The following EP400 variants were observed in gnomAD, a reference collection of about 807,000 sequenced individuals.
EP400 encodes the protein E1A-binding protein p400.
Under a neutral mutation model 354.1 loss-of-function variants are expected in EP400, and 105 were observed. The ratio of observed to expected loss-of-function variants is 0.30; its 90% CI spans 0.25 to 0.35. The LOEUF is 0.35. Ranked by LOEUF, EP400 falls within the 10% of genes least tolerant of loss-of-function variation. EP400 has a pLI of 1.00. For missense variants in EP400, 3,280 were observed against 4,121.0 expected, an observed-to-expected ratio of 0.80 and a Z score of 5.59; for synonymous variants, 1,646 against 1,716.9, an observed-to-expected ratio of 0.96 and a Z score of 1.02.
chr12:131,962,559 TGTA>T (rs1456280475), intron 2 of EP400, among the ~76,000 whole-genome samples: 1 of 152,258 alleles, frequency 6.6e-6, no homozygotes, highest in Non-Finnish European at 1.5e-5. Flanking sequence ...AATTTTTAGA[TGTA>T]GTCTCAAGAT....
chr12:132,042,269 A>G (rs893040152), intron 32 of EP400, among the ~76,000 whole-genome samples: 3 of 152,092 alleles, frequency 2.0e-5, no homozygotes, highest in African/African-American at 7.2e-5. Context: ...CTGTTTCTTA[A>G]TGACTTGTTG....
At chr12:131,966,916 A>C (rs2059815003) in intron 2 of EP400, among the ~76,000 whole-genome samples, 3 of 150,724 alleles carry the variant, frequency 2.0e-5, no homozygotes, top group Admixed American at 6.6e-5. Context: ...AAAAAAAAAA[A>C]AAAAAAAAAC....
intron 2 of EP400, among the ~76,000 whole-genome samples, chr12:131,972,322 T>C (rs567361018): frequency 6.6e-5 from 10 of 152,070 alleles, no homozygotes. Flanking sequence ...CCGGCGAATT[T>C]TTTGTTATTT....
intron 50 of EP400, chr12:132,068,360 G>C (rs1341676351): frequency 6.6e-6 from 1 of 152,332 alleles, no homozygotes; most frequent in East Asian, 1.9e-4. Flanking sequence ...GGAAACTGAG[G>C]CTCAGAGAAA....
At chr12:132,044,391 T>A in intron 35 of EP400, 80 bp downstream of exon 35, 1 of 1,524,350 alleles carries the variant, frequency 6.6e-7, no homozygotes, top group Non-Finnish European at 8.8e-7. Context: ...TTGTTCAAAG[T>A]CTGTGTACAT....
At chr12:131,998,506 A>G (rs1340367028) in intron 12 of EP400, among the ~76,000 whole-genome samples, 2 of 151,910 alleles carry the variant, frequency 1.3e-5, no homozygotes, top group Non-Finnish European at 2.9e-5. Flanking sequence ...TAGGTACTAT[A>G]TATTTTTAAA....
At chr12:131,999,940 C>T (rs1414646438) in intron 12 of EP400, among the ~76,000 whole-genome samples, 2 of 148,546 alleles carry the variant, frequency 1.3e-5, no homozygotes, top group East Asian at 3.9e-4. Flanking sequence ...TGTATTTATG[C>T]CTGTTTTCTT....
chr12:132,019,735 G>T lies in EP400; in HGVS notation c.4278-314G>T, dbSNP rs559477762. ...TCAGCCCTTGTGCTGTAATAGATGCGTTGTTTTCTATCTACATTGATATGA... is the reference window on the plus strand; with the variant it reads ...TCAGCCCTTGTGCTGTAATAGATGCTTTGTTTTCTATCTACATTGATATGA... On this transcript the variant is annotated intron_variant, in intron 21 of 52. Coordinates refer to ENST00000389561, the MANE Select transcript of EP400 (RefSeq NM_015409.5). Among the ~76,000 whole-genome samples the T allele has an allele frequency of 2.0e-5, 3 of 152,290 alleles. No homozygotes were observed. The South Asian group carries it at 6.2e-4, about 32-fold the overall frequency.
intron 52 of EP400, 137 bp downstream of exon 52, chr12:132,076,730 A>G (rs1896250441): frequency 5.3e-6 from 4 of 758,648 alleles, no homozygotes; most frequent in Admixed American, 2.9e-5. Context: ...GGGAAAAACT[A>G]GATACACTTA....
intron 1 of EP400, among the ~76,000 whole-genome samples, chr12:131,954,225 T>TA (rs573784636): frequency 0.013 from 1,851 of 142,916 alleles, 21 homozygotes; most frequent in South Asian, 0.032. Context: ...GTCTTAAAAT[T>TA]AAAAAAAAAA....
intron 29 of EP400, 109 bp downstream of exon 29, chr12:132,030,267 G>GGGACT: frequency 7.9e-7 from 1 of 1,265,412 alleles, no homozygotes; most frequent in South Asian, 1.4e-5. Context: ...TGAAAGGGGA[G>GGGACT]GGACTTAATG....
intron 45 of EP400, among the ~76,000 whole-genome samples, chr12:132,061,466 GGCAGAGGTCAGCTGGAGGGACACT>G (rs1366977156): frequency 2.0e-5 from 3 of 152,234 alleles, no homozygotes; most frequent in African/African-American, 7.2e-5. Flanking sequence ...CAAGGGAGCT[GGCAGAGGTCAGCTGGAGGGACACT>G]GCAGAGGTGG....
At chr12:132,009,493 G>C (rs61944569) in intron 15 of EP400, among the ~76,000 whole-genome samples, 13,839 of 152,202 alleles carry the variant, frequency 0.091, 682 homozygotes, top group African/African-American at 0.13. Context: ...GGCAGTGGGG[G>C]TGGGGGCTGC....
At position 132,053,525 on chromosome 12, in the gene EP400, C is replaced by T. The variant is rs1266653520; in HGVS notation, c.7656C>T (p.Thr2552=). Residue 2552 remains threonine, a synonymous_variant, in exon 43 of 53, where the codon ACC becomes ACT. Transcript: ENST00000389561. ...CCCAACCCCAGCCACAGCCCCAGAC[C>T]CAGCCACAGCCTGTGCAGGCCCCAG... ...VQPQPQPQPQ[T]QPQPVQAPAK... is the part of the protein sequence containing the mutation. The T allele has an allele frequency of 5.8e-6, 9 of 1,548,124 alleles. 1 individual carries two copies. The South Asian group carries it at 8.2e-5, about 14-fold the overall frequency.
chr12:132,018,475 T>G lies in EP400; in HGVS notation c.4277+99T>G. The G allele has an allele frequency of 6.8e-7, 1 of 1,467,358 alleles. No homozygotes were observed. Among genetic ancestry groups the G allele is most frequent in the South Asian group, 1.4e-5 (1 of 70,666 alleles). The allele number at this position is 1,467,358 out of a possible 1,614,324, so 90.9% of individuals were successfully genotyped here. A position where few individuals can be genotyped will look rare whatever the true frequency, so the allele number is the denominator to read the frequency against. Reference sequence around the variant, plus strand: ...TGAAAAGAAAGGCTGCTAATGTAGTTAGGTTATCTGCTGCTCTTGGGACCT... The same window carrying G: ...TGAAAAGAAAGGCTGCTAATGTAGTGAGGTTATCTGCTGCTCTTGGGACCT... On this transcript the variant is annotated intron_variant, in intron 21 of 52. Transcript: ENST00000389561. This position sits in a 1 kb window ranked among gnomAD's most constrained non-coding sequence, Gnocchi z 4.0.
chr12:131,982,297 T>A lies in EP400; in HGVS notation c.1748T>A (p.Val583Glu), dbSNP rs758470686. The change falls in exon 5 of 53, where the codon GTG (valine) becomes GAG (glutamate). Residue 583 changes from valine (V) to glutamate (E), a missense_variant. By Grantham distance (121) the Val-to-Glu change is moderately radical. Transcript: ENST00000389561. ...SALQFAQQPQ[V>E]VEAQTQLQIP... Reference sequence around the variant, plus strand: ...CTGCAGTTTGCACAGCAGCCGCAAGTGGTAGAGGCCCAGACACAGCTCCAA... The same window carrying A: ...CTGCAGTTTGCACAGCAGCCGCAAGAGGTAGAGGCCCAGACACAGCTCCAA... 6.2e-7 allele frequency: 1 copy of A among 1,613,982 alleles called. No homozygotes were observed. The highest frequency in any genetic ancestry group is 1.3e-5 in the African/African-American group (1 of 74,902).
At chr12:131,976,502 A>G (rs1359448725) in intron 2 of EP400, among the ~76,000 whole-genome samples, 4 of 152,168 alleles carry the variant, frequency 2.6e-5, no homozygotes, top group Admixed American at 2.6e-4. Context: ...TCACAAGGTC[A>G]GGAGTTTGAG....
In EP400 at chr12:132,054,058, G is replaced by A. The variant is rs1028901812; in HGVS notation, c.7728+461G>A. ...TGTAGAAAAGCTGTAAAGCACACAAGAAGCATTGTGAAAAGAAAGGCAGGG... is the reference window on the plus strand; with the variant it reads ...TGTAGAAAAGCTGTAAAGCACACAAAAAGCATTGTGAAAAGAAAGGCAGGG... On this transcript the variant is annotated intron_variant, in intron 43 of 52. Coordinates refer to ENST00000389561, the MANE Select transcript of EP400 (RefSeq NM_015409.5). This position sits in a 1 kb window ranked among gnomAD's most constrained non-coding sequence, Gnocchi z 4.0. Among the ~76,000 whole-genome samples, 1 of 152,228 alleles carries A rather than the reference G, an allele frequency of 6.6e-6. No homozygotes were observed. Among genetic ancestry groups the A allele is most frequent in the Non-Finnish European group, 1.5e-5 (1 of 68,050 alleles).
intron 39 of EP400, among the ~76,000 whole-genome samples, chr12:132,046,987 A>G (rs1438651778): frequency 3.3e-5 from 5 of 152,218 alleles, no homozygotes; most frequent in African/African-American, 1.2e-4. Flanking sequence ...TGGGACACAT[A>G]TAGTAGAGGC....
Sources: gnomAD v4.1 joint callset for allele counts (sites outside exome capture counted in the v4.1 genomes callset) on GRCh38, gnomAD v4.1.1 for gene constraint, Gnocchi (gnomAD v3.1) non-coding constraint, MANE v1.5 for transcripts, NCBI Gene and HGNC (gene_info 2026-07-23, HGNC 2026-07-21) for gene names.